COL5A1: variants seen among roughly 807,000 people sequenced by gnomAD.
The protein encoded by COL5A1 is collagen type V alpha 1 chain.
COL5A1 carries 16 observed loss-of-function variants against 263.7 expected under a neutral mutation model. The observed-to-expected ratio is 0.06, with a 90% CI of 0.04 to 0.09. COL5A1 has a LOEUF of 0.09. Ranked by LOEUF, COL5A1 falls within the 10% of genes least tolerant of loss-of-function variation. The probability of loss-of-function intolerance (pLI) is 1.00; values close to 1 mark genes in which losing one functional copy is unlikely to be tolerated. For missense variants in COL5A1, 2,036 were observed against 2,540.5 expected, an observed-to-expected ratio of 0.80 and a Z score of 4.27; for synonymous variants, 1,012 against 1,004.5, an observed-to-expected ratio of 1.01 and a Z score of -0.14.
At position 134,686,567 on chromosome 9, in the gene COL5A1, G is replaced by A. The variant is rs527561867; in HGVS notation, c.110-4345G>A. Among the ~76,000 whole-genome samples, 56 of 152,220 alleles carry A rather than the reference G, an allele frequency of 3.7e-4. No homozygotes were observed. Among genetic ancestry groups the A allele is most frequent in the African/African-American group, 1.3e-3 (53 of 41,546 alleles). ...GCGCCTGGCCATCAAATTCTTTTCA[G>A]TCACCTCCCTTCTTCCTTAAAACTG... is the stretch of plus-strand genomic sequence containing the variant. On this transcript the variant is annotated intron_variant, in intron 1 of 65. Transcript: ENST00000371817. This position sits in a 1 kb window ranked among gnomAD's most constrained non-coding sequence, Gnocchi z 4.6.
intron 11 of COL5A1, among the ~76,000 whole-genome samples, chr9:134,743,662 C>G (rs1028808278): frequency 1.1e-3 from 160 of 152,196 alleles, no homozygotes; most frequent in African/African-American, 3.7e-3. Context: ...AGGAGGCCCC[C>G]ACCCTTCAAT....
intron 18 of COL5A1, among the ~76,000 whole-genome samples, chr9:134,759,799 C>T (rs1261277725): frequency 8.7e-6 from 1 of 114,684 alleles, no homozygotes; most frequent in Non-Finnish European, 1.8e-5. Flanking sequence ...GCACACACAC[C>T]ACACATGCAC....
chr9:134,782,494 A>T, intron 28 of COL5A1, 173 bp from the exon 29 acceptor site: 1 of 725,194 alleles, frequency 1.4e-6, no homozygotes, highest in Admixed American at 1.9e-5. Flanking sequence ...CGCAGAGCTC[A>T]TGGGAAAGCC....
rs2132717080 is a variant in COL5A1, at chr9:134,761,548, T to C, written c.1936-377T>C. ...ACCCACTGCGTGCGAGCTCTGAGGCTGCAGGCAGGCGGGGCTCCCTGAGGG... is the reference window on the plus strand; with the variant it reads ...ACCCACTGCGTGCGAGCTCTGAGGCCGCAGGCAGGCGGGGCTCCCTGAGGG... On this transcript the variant is annotated intron_variant, in intron 18 of 65. Transcript: ENST00000371817. Among the ~76,000 whole-genome samples, 4 of 152,368 alleles carry C rather than the reference T, an allele frequency of 2.6e-5. No individual in the cohort carries two copies. The Middle Eastern group carries it at 0.014, about 518-fold the overall frequency.
chr9:134,820,233 A>G lies in COL5A1; in HGVS notation c.4554+10A>G. On this transcript the variant is annotated intron_variant, in intron 58 of 65. Transcript: ENST00000371817. ...TCCTAAGGGAGAACAGGTGCGTGAG[A>G]TGGCACTTCTTGCATGTGGGCTGTC... The G allele has an allele frequency of 6.2e-7, 1 of 1,606,534 alleles. No individual in the cohort carries two copies. Among genetic ancestry groups the G allele is most frequent in the Non-Finnish European group, 8.5e-7 (1 of 1,173,534 alleles).
rs950825114 is a variant in COL5A1 at position 134,813,917 on chromosome 9, G to A, written c.3853-66G>A. The A allele has an allele frequency of 2.6e-6, 4 of 1,530,884 alleles. No homozygotes were observed. In the African/African-American group the frequency reaches 4.1e-5, roughly 16 times the overall value. 94.8% of individuals were successfully genotyped at this position (1,530,884 alleles called of 1,614,324 possible). The stretch of plus-strand genomic sequence containing the variant: ...AGCAGGCAGGATTTGGCAAATGCTT[G>A]AAACCGTAGCACTGCGTTCATCGCG... On this transcript the variant is annotated intron_variant, in intron 48 of 65. Transcript: ENST00000371817.
At chr9:134,719,930 G>T (rs992048695) in intron 4 of COL5A1, among the ~76,000 whole-genome samples, 1 of 152,190 alleles carries the variant, frequency 6.6e-6, no homozygotes, top group African/African-American at 2.4e-5. Flanking sequence ...CATCAGGTTG[G>T]TTCCTTGCGC....
Position 134,817,771 on chromosome 9 carries a change from CT to C in COL5A1, c.4177-4del. ...CTCACCACCTGCTGTTCTCTTGCTT[CT>C]TTCAGGGTCCCCCAGGCCCCGCAGG... On this transcript the variant is annotated splice_polypyrimidine_tract_variant and splice_region_variant and intron_variant, in intron 53 of 65. Transcript: ENST00000371817. 1 of 1,612,144 alleles carries C rather than the reference CT, an allele frequency of 6.2e-7. No individual in the cohort carries two copies. Among genetic ancestry groups the C allele is most frequent in the Non-Finnish European group, 8.5e-7 (1 of 1,179,168 alleles).
chr9:134,735,955 G>A (rs987831483), intron 9 of COL5A1, among the ~76,000 whole-genome samples: 6 of 152,244 alleles, frequency 3.9e-5, no homozygotes, highest in African/African-American at 1.4e-4. Context: ...AGCACCTCTG[G>A]TGACAGCCTC....
intron 65 of COL5A1, among the ~76,000 whole-genome samples, chr9:134,836,103 G>A (rs938559361): frequency 1.3e-5 from 2 of 152,168 alleles, no homozygotes; most frequent in African/African-American, 4.8e-5. Flanking sequence ...AGCCCTTAGC[G>A]CCTCGCTCCT....
At chr9:134,788,818 G>T (rs557836045) in intron 31 of COL5A1, among the ~76,000 whole-genome samples, 1 of 145,086 alleles carries the variant, frequency 6.9e-6, no homozygotes, top group South Asian at 2.2e-4. Context: ...ATGAATGGAG[G>T]CATGGGAGGA....
intron 29 of COL5A1, among the ~76,000 whole-genome samples, chr9:134,784,438 C>T (rs1001814376): frequency 1.3e-5 from 2 of 152,238 alleles, no homozygotes; most frequent in African/African-American, 2.4e-5. Context: ...GAGCCCCGAG[C>T]TCCCAATCTG....
chr9:134,646,521 C>G (rs550452149), intron 1 of COL5A1, among the ~76,000 whole-genome samples: 13 of 152,374 alleles, frequency 8.5e-5, no homozygotes, highest in African/African-American at 1.9e-4. Flanking sequence ...GGCTGGAAAG[C>G]CCCTCATTCA....
At chr9:134,676,214 A>G (rs75561734) in intron 1 of COL5A1, among the ~76,000 whole-genome samples, 16,853 of 152,082 alleles carry the variant, frequency 0.11, 1,202 homozygotes, top group Admixed American at 0.17. Context: ...TCTGATCGGT[A>G]TTGTTCTGGA....
intron 52 of COL5A1, among the ~76,000 whole-genome samples, chr9:134,816,539 C>T (rs1332064107): frequency 2.6e-5 from 4 of 152,244 alleles, no homozygotes; most frequent in East Asian, 1.9e-4. Flanking sequence ...TGGCCAAGCG[C>T]GGGGGACTGC....
At position 134,758,363 on chromosome 9, in the gene COL5A1, TCTC is replaced by T. The variant is rs1554793585; in HGVS notation, c.1935+70_1935+72del. 1.3e-6 allele frequency: 2 copies of T among 1,524,288 alleles called. No homozygotes were observed. Among genetic ancestry groups the T allele is most frequent in the African/African-American group, 1.4e-5 (1 of 73,142 alleles). 94.4% of individuals were successfully genotyped at this position (1,524,288 alleles called of 1,614,324 possible). ...GCAGAGGTGTCTCTCGGGAGGCCCT[TCTC>T]CTTCCAGGCAGCCTCAGATTTCCTG... On this transcript the variant is annotated intron_variant, in intron 18 of 65. Transcript: ENST00000371817. This position sits in a 1 kb window ranked among gnomAD's most constrained non-coding sequence, Gnocchi z 4.1.
chr9:134,734,969 G>C (rs1295790496), intron 9 of COL5A1, among the ~76,000 whole-genome samples: 5 of 152,074 alleles, frequency 3.3e-5, no homozygotes, highest in African/African-American at 1.2e-4. Flanking sequence ...CCAGCACTTT[G>C]GGAGGCTGAG....
In COL5A1 at chr9:134,766,495, T is replaced by C; in HGVS notation, c.2130T>C (p.Asn710=). 6.2e-7 allele frequency: 1 copy of C among 1,614,018 alleles called. No homozygotes were observed. Among genetic ancestry groups the C allele is most frequent in the Non-Finnish European group, 8.5e-7 (1 of 1,179,986 alleles). Residue 710 remains asparagine (N), a synonymous_variant, in exon 22 of 66, where the codon AAT becomes AAC. Transcript: ENST00000371817. ...ACGGCCAGCCGGGGCCAAAAGGAAA[T>C]GTGGTAAGTCCCTGGGGTCCCGTGG... The part of the protein sequence containing the change: ...GMDGQPGPKG[N]VGPQGEPGPP...
At chr9:134,787,658 G>T (rs143191561) in intron 31 of COL5A1, among the ~76,000 whole-genome samples, 79 of 152,362 alleles carry the variant, frequency 5.2e-4, no homozygotes, top group African/African-American at 1.7e-3. Context: ...GCTGGTAGGT[G>T]CTACAGTCAG....
Sources: allele counts gnomAD v4.1 joint callset (sites outside exome capture counted in the v4.1 genomes callset), GRCh38; gene constraint gnomAD v4.1.1; non-coding constraint Gnocchi (gnomAD v3.1); transcripts MANE v1.5; gene names NCBI Gene and HGNC (gene_info 2026-07-23, HGNC 2026-07-21).